The following ELP4 variants were observed in gnomAD, a reference collection of about 807,000 sequenced individuals.
ELP4 encodes the protein elongator acetyltransferase complex subunit 4, also known as elongator complex protein 4.
A neutral mutation model predicts 48.9 loss-of-function variants in ELP4; 51 were observed. The ratio of observed to expected loss-of-function variants is 1.04; its 90% CI spans 0.83 to 1.32. The LOEUF is 1.32. ELP4 is among the 40% of genes most tolerant of loss of function. The pLI, the probability that ELP4 is intolerant of heterozygous loss-of-function variation, is 0.00. For missense variants in ELP4, 519 were observed against 514.6 expected (o/e 1.01, Z -0.08); for synonymous variants, 210 against 189.2 (o/e 1.11, Z -0.90).
At chr11:31,586,243 T>G (rs1475202529) in intron 3 of ELP4, among the ~76,000 whole-genome samples, 1 of 152,156 alleles carries the variant, frequency 6.6e-6, no homozygotes, top group East Asian at 1.9e-4. Context: ...AACATATACC[T>G]AACATTTATA....
intron 5 of ELP4, among the ~76,000 whole-genome samples, chr11:31,610,014 C>T (rs1049905599): frequency 6.6e-6 from 1 of 152,092 alleles, no homozygotes; most frequent in Non-Finnish European, 1.5e-5. Context: ...CCACTGCACT[C>T]CAGCCTGGGC....
rs1267226286 is a variant in ELP4 at position 31,509,778 on chromosome 11, C to T, written c.-7C>T. The T allele has an allele frequency of 2.5e-6, 4 of 1,613,782 alleles. No homozygotes were observed. Among genetic ancestry groups the T allele is most frequent in the Non-Finnish European group, 3.4e-6 (4 of 1,179,912 alleles). Reference sequence around the variant, plus strand: ...GTTCCTATTGGGTTAACACTGGAGGCTCTAAGATGGCGGCAGTGGCAACCT... The same window carrying T: ...GTTCCTATTGGGTTAACACTGGAGGTTCTAAGATGGCGGCAGTGGCAACCT... On this transcript the variant is annotated 5_prime_UTR_variant, in exon 1 of 10. Transcript: ENST00000640961.
chr11:31,773,437 A>G (rs1005702342), intron 9 of ELP4, among the ~76,000 whole-genome samples: 3 of 152,200 alleles, frequency 2.0e-5, no homozygotes, highest in Admixed American at 1.3e-4. Context: ...GTACCAAGGT[A>G]AAGAATTGGG....
chr11:31,585,435 TA>T (rs201593283), intron 3 of ELP4, among the ~76,000 whole-genome samples: 1,965 of 140,558 alleles, frequency 0.014, 11 homozygotes, highest in Middle Eastern at 0.026. Flanking sequence ...TGGGTATTAT[TA>T]AAAAAAAAAA....
chr11:31,743,247 C>G (rs1288842541), intron 9 of ELP4, among the ~76,000 whole-genome samples: 52 of 152,160 alleles, frequency 3.4e-4, no homozygotes, highest in Admixed American at 3.4e-3. Context: ...ATTCATAAAG[C>G]AAGTCCTTAG....
At chr11:31,569,946 G>C (rs183762339) in intron 3 of ELP4, among the ~76,000 whole-genome samples, 2 of 152,298 alleles carry the variant, frequency 1.3e-5, no homozygotes, top group East Asian at 3.9e-4. Context: ...GTAGAGAGCA[G>C]TTTGGAGATT....
rs192708975 is a variant in ELP4 at position 31,731,636 on chromosome 11, A to G, written c.1144-51757A>G. Among the ~76,000 whole-genome samples, 337 of 150,916 alleles carry G rather than the reference A, an allele frequency of 2.2e-3. 2 individuals are homozygous for G. Among genetic ancestry groups the G allele is most frequent in the African/African-American group, 7.5e-3 (306 of 40,748 alleles). Reference sequence around the variant, plus strand: ...AGAAGAGAGAAAAAAGGAGGCAGAAAGCTTCTTTAAAGAAATAGTGGAAAC... The same window carrying G: ...AGAAGAGAGAAAAAAGGAGGCAGAAGGCTTCTTTAAAGAAATAGTGGAAAC... On this transcript the variant is annotated intron_variant, in intron 9 of 9. Coordinates refer to ENST00000640961, the MANE Select transcript of ELP4 (RefSeq NM_019040.5).
chr11:31,698,872 ATAT>A (rs1946465116), intron 9 of ELP4, among the ~76,000 whole-genome samples: 1 of 152,202 alleles, frequency 6.6e-6, no homozygotes, highest in African/African-American at 2.4e-5. Flanking sequence ...ATCAAAATAC[ATAT>A]TACCATGGAG....
intron 9 of ELP4, chr11:31,727,695 A>T (rs1053427895): frequency 1.3e-5 from 2 of 152,218 alleles, no homozygotes; most frequent in African/African-American, 4.8e-5. Context: ...TATGCCCATT[A>T]TCTATTATTA....
chr11:31,581,994 G>A (rs538157914), intron 3 of ELP4, among the ~76,000 whole-genome samples: 2 of 152,016 alleles, frequency 1.3e-5, no homozygotes, highest in Admixed American at 1.3e-4. Flanking sequence ...CCTCAGGTGA[G>A]CCTTCCGCCT....
intron 5 of ELP4, among the ~76,000 whole-genome samples, chr11:31,614,171 G>A (rs957598653): frequency 3.9e-5 from 6 of 152,002 alleles, no homozygotes; most frequent in South Asian, 2.1e-4. Flanking sequence ...TAAAATAATC[G>A]CAGAAAATAT....
chr11:31,558,252 A>G (rs1377150323), intron 3 of ELP4, among the ~76,000 whole-genome samples: 1 of 152,076 alleles, frequency 6.6e-6, no homozygotes, highest in Non-Finnish European at 1.5e-5. Context: ...AAAAAAAAAC[A>G]TGCAAAGGCT....
chr11:31,588,291 T>C (rs926641002), intron 3 of ELP4, among the ~76,000 whole-genome samples: 8 of 152,158 alleles, frequency 5.3e-5, no homozygotes, highest in Admixed American at 2.0e-4. Context: ...GGGGCATGTG[T>C]ATGAGGTTTT....
intron 1 of ELP4, among the ~76,000 whole-genome samples, chr11:31,515,396 T>C (rs2133870922): frequency 6.6e-6 from 1 of 152,246 alleles, no homozygotes; most frequent in South Asian, 2.1e-4. Context: ...GCCTGTAATC[T>C]CAACACTTTG....
chr11:31,758,483 G>C lies in ELP4; in HGVS notation c.1144-24910G>C, dbSNP rs76374114. 1.8e-4 allele frequency among the ~76,000 whole-genome samples: 27 copies of C among 152,226 alleles called. No homozygotes were observed. In the East Asian group the frequency reaches 5.2e-3, roughly 29 times the overall value. On this transcript the variant is annotated intron_variant, in intron 9 of 9. Transcript: ENST00000640961. ...ATGATAATTGCCCTGTGTTTCAACT[G>C]GACTAGACTATTATGACCATGGACG...
chr11:31,763,494 A>C (rs1429648884), intron 9 of ELP4: 5 of 1,611,460 alleles, frequency 3.1e-6, no homozygotes, highest in Non-Finnish European at 3.4e-6. Flanking sequence ...AAGACTCTGC[A>C]TGGGGAGAAG....
intron 9 of ELP4, chr11:31,652,291 T>G (rs868332922): frequency 2.3e-4 from 35 of 151,614 alleles, no homozygotes; most frequent in African/African-American, 8.5e-4. Flanking sequence ...AATACTCAAT[T>G]TAGTGATTAG....
In ELP4 at chr11:31,653,593, ATATC is replaced by A. The variant is rs1182491991; in HGVS notation, c.1143+3379_1143+3382del. ...CATAAATGGTGTCTTTTTCATCTTT[ATATC>A]TATCTAAGAATCAAGGACAGGGTTA... On this transcript the variant is annotated intron_variant, in intron 9 of 9. Coordinates refer to ENST00000640961, the MANE Select transcript of ELP4 (RefSeq NM_019040.5). The A allele has an allele frequency of 8.6e-5, 13 of 151,874 alleles. No individual in the cohort carries two copies. The South Asian group carries it at 2.7e-3, about 31-fold the overall frequency. 9.4% of individuals were successfully genotyped at this position (151,874 alleles called of 1,614,324 possible). A position where few individuals can be genotyped will look rare whatever the true frequency, so the allele number is the denominator to read the frequency against.
chr11:31,778,808 C>G (rs887451474), intron 9 of ELP4, among the ~76,000 whole-genome samples: 2 of 152,156 alleles, frequency 1.3e-5, no homozygotes, highest in African/African-American at 4.8e-5. Flanking sequence ...AATGTAGAAC[C>G]TGTGTGTTCT....
Sources: gnomAD v4.1 joint callset for allele counts (sites outside exome capture counted in the v4.1 genomes callset) on GRCh38, gnomAD v4.1.1 for gene constraint, MANE v1.5 for transcripts, NCBI Gene and HGNC (gene_info 2026-07-23, HGNC 2026-07-21) for gene names.